The following ARHGEF2 variants were observed in gnomAD, a reference collection of about 807,000 sequenced individuals.
ARHGEF2 encodes Rho/Rac guanine nucleotide exchange factor 2.
Under a neutral mutation model 121.0 loss-of-function variants are expected in ARHGEF2, and 22 were observed. That is an observed-to-expected ratio of 0.18 (90% CI 0.13 to 0.26). ARHGEF2 has a LOEUF of 0.26. Ranked by LOEUF, ARHGEF2 falls within the 10% of genes least tolerant of loss-of-function variation. The pLI is 1.00. For synonymous variants in ARHGEF2, 487 were observed against 530.0 expected, an observed-to-expected ratio of 0.92 and a Z score of 1.11; for missense variants, 907 against 1,336.0, an observed-to-expected ratio of 0.68 and a Z score of 5.01.
rs762190752 is a variant in ARHGEF2, at chr1:155,962,688, T to C, written c.1006A>G (p.Lys336Glu). Residue 336 changes from lysine (K) to glutamate (E), a missense_variant, in exon 9 of 22, where the codon AAG becomes GAG. By Grantham distance (56) the Lys-to-Glu change is moderately conservative. Transcript: ENST00000361247. This position sits in a 1 kb window ranked among gnomAD's most constrained non-coding sequence, Gnocchi z 5.8. ...FSGPSAEQMC[K>E]TYSEFCSRHS... The stretch of plus-strand genomic sequence containing the variant: ...CGGCTGCAGAACTCCGAGTAGGTCT[T>C]ACACATCTGCTCCGCACTAGGACCT... The C allele has an allele frequency of 6.2e-7, 1 of 1,614,140 alleles. No homozygotes were observed. The highest frequency in any genetic ancestry group is 2.2e-5 in the East Asian group (1 of 44,872).
intron 1 of ARHGEF2, chr1:155,970,336 A>G (rs1680222805): frequency 7.1e-6 from 7 of 985,368 alleles, no homozygotes; most frequent in Non-Finnish European, 8.4e-6. Context: ...CTGACCTCCA[A>G]TCTGTCCCTC....
intron 2 of ARHGEF2, among the ~76,000 whole-genome samples, chr1:155,967,475 A>G (rs760520701): frequency 2.0e-4 from 30 of 151,872 alleles, no homozygotes; most frequent in Non-Finnish European, 2.9e-5. Flanking sequence ...TGGTGTTTAC[A>G]CTCCGGTGGG....
At position 155,957,607 on chromosome 1, in the gene ARHGEF2, C is replaced by G; in HGVS notation, c.1715+106G>C. 2.3e-6 allele frequency: 3 copies of G among 1,320,088 alleles called. 1 individual carries two copies. The South Asian group carries it at 4.4e-5, about 19-fold the overall frequency. The allele number at this position is 1,320,088 out of a possible 1,614,324, so 81.8% of individuals were successfully genotyped here. ...TTGTCTCTCCCTCAACCTCTTCCCC[C>G]ACCTCTGAATGCTGGATTCTGTTCC... is the stretch of plus-strand genomic sequence containing the variant. On this transcript the variant is annotated intron_variant, in intron 13 of 21. Coordinates refer to ENST00000361247, the MANE Select transcript of ARHGEF2 (RefSeq NM_001162383.2).
In ARHGEF2 at chr1:155,962,365, C is replaced by T; in HGVS notation, c.1102-143G>A. 1 of 1,041,822 alleles carries T rather than the reference C, an allele frequency of 9.6e-7. No homozygotes were observed. The highest frequency in any genetic ancestry group is 1.4e-6 in the Non-Finnish European group (1 of 714,358). 64.5% of individuals were successfully genotyped at this position (1,041,822 alleles called of 1,614,324 possible). On this transcript the variant is annotated intron_variant, in intron 9 of 21. Transcript: ENST00000361247. The surrounding 1 kb of genome is among the most constrained non-coding windows in gnomAD (Gnocchi z 5.8). Reference sequence around the variant, plus strand: ...ATCTGGAAAATGGGGATAACAACGCCACAGGTTTGTTGTGAGGACCAACTG... The same window carrying T: ...ATCTGGAAAATGGGGATAACAACGCTACAGGTTTGTTGTGAGGACCAACTG...
chr1:155,977,893 C>T lies in ARHGEF2; in HGVS notation c.63+472G>A, dbSNP rs192132901. On this transcript the variant is annotated intron_variant, in intron 1 of 21. Coordinates refer to ENST00000361247, the MANE Select transcript of ARHGEF2 (RefSeq NM_001162383.2). ...GCCGGGAAACCACCCCCTCCCGTCC[C>T]CTCCGCCGGATGGCGGGGACAAAGG... Among the ~76,000 whole-genome samples, 81 of 152,328 alleles carry T rather than the reference C, an allele frequency of 5.3e-4. 1 individual carries two copies. The highest frequency in any genetic ancestry group is 1.9e-3 in the African/African-American group (78 of 41,586).
chr1:155,955,931 G>C (rs1221337206), intron 13 of ARHGEF2, among the ~76,000 whole-genome samples: 1 of 151,900 alleles, frequency 6.6e-6, no homozygotes, highest in Non-Finnish European at 1.5e-5. Context: ...GGCCAGGCTG[G>C]TCTCGAACTC....
At chr1:155,966,568 G>A (rs550561706) in intron 3 of ARHGEF2, 89 bp from the exon 4 acceptor site, 19 of 1,415,270 alleles carry the variant, frequency 1.3e-5, no homozygotes, top group East Asian at 4.6e-5. Context: ...CTAGGTGGCC[G>A]GCCCCCTTAG....
Position 155,962,913 on chromosome 1 carries a change from G to C in ARHGEF2, c.975+20C>G. 1 of 1,613,734 alleles carries C rather than the reference G, an allele frequency of 6.2e-7. No homozygotes were observed. The highest frequency in any genetic ancestry group is 8.5e-7 in the Non-Finnish European group (1 of 1,179,690). On this transcript the variant is annotated intron_variant, in intron 8 of 21. Coordinates refer to ENST00000361247, the MANE Select transcript of ARHGEF2 (RefSeq NM_001162383.2). The surrounding 1 kb of genome is among the most constrained non-coding windows in gnomAD (Gnocchi z 5.8). ...CACCTCCTTCCATGAATGTCACCCA[G>C]GGGTCCTGCCTTTTCCCACCTGGCT... is the stretch of plus-strand genomic sequence containing the variant.
At position 155,965,897 on chromosome 1, in the gene ARHGEF2, G is replaced by A; in HGVS notation, c.341-137C>T. 2.8e-6 allele frequency: 3 copies of A among 1,085,068 alleles called. No homozygotes were observed. Among genetic ancestry groups the A allele is most frequent in the Non-Finnish European group, 3.8e-6 (3 of 795,312 alleles). 67.2% of individuals were successfully genotyped at this position (1,085,068 alleles called of 1,614,324 possible). A position where few individuals can be genotyped will look rare whatever the true frequency, so the allele number is the denominator to read the frequency against. On this transcript the variant is annotated intron_variant, in intron 4 of 21. Transcript: ENST00000361247. This position sits in a 1 kb window ranked among gnomAD's most constrained non-coding sequence, Gnocchi z 6.0. ...CCCTCTAGTCAAGAAAGATGGTAAT[G>A]AGAATGCCACCTTACATTTGTGCCA...
At chr1:155,952,042 C>G in intron 16 of ARHGEF2, 56 bp from the exon 17 acceptor site, 2 of 1,613,988 alleles carry the variant, frequency 1.2e-6, no homozygotes, top group Non-Finnish European at 1.7e-6. Context: ...CCTGATACCA[C>G]TTGATCCCTG....
intron 7 of ARHGEF2, among the ~76,000 whole-genome samples, chr1:155,964,172 A>ATATACG (rs1678747213): frequency 3.0e-5 from 2 of 67,008 alleles, no homozygotes; most frequent in East Asian, 1.1e-3. Context: ...AAAAAAATAT[A>ATATACG]TATATATATA....
In ARHGEF2 at chr1:155,962,288, T is replaced by TCTGGTG; in HGVS notation, c.1102-72_1102-67dup. ...CAACAGAAAGGCCTGGGGCCTGAGC[T>TCTGGTG]CTGGTGCTGGCCCTGGCGTGGCCAT... On this transcript the variant is annotated intron_variant, in intron 9 of 21. Coordinates refer to ENST00000361247, the MANE Select transcript of ARHGEF2 (RefSeq NM_001162383.2). This position sits in a 1 kb window ranked among gnomAD's most constrained non-coding sequence, Gnocchi z 5.8. The TCTGGTG allele has an allele frequency of 6.6e-7, 1 of 1,508,612 alleles. No individual in the cohort carries two copies. Among genetic ancestry groups the TCTGGTG allele is most frequent in the Non-Finnish European group, 9.2e-7 (1 of 1,091,282 alleles). 93.5% of individuals were successfully genotyped at this position (1,508,612 alleles called of 1,614,324 possible). A position where few individuals can be genotyped will look rare whatever the true frequency, so the allele number is the denominator to read the frequency against.
chr1:155,971,706 G>C (rs58096236), intron 1 of ARHGEF2, among the ~76,000 whole-genome samples: 213 of 150,852 alleles, frequency 1.4e-3, no homozygotes, highest in African/African-American at 5.1e-3. Context: ...TGCCCTCCCA[G>C]CCTTCTATAT....
chr1:155,964,165 A>AT lies in ARHGEF2; in HGVS notation c.724+822_724+823insA, dbSNP rs1390390498. Among the ~76,000 whole-genome samples the AT allele has an allele frequency of 5.7e-4, 53 of 93,026 alleles. 1 individual carries two copies. The highest frequency in any genetic ancestry group is 1.4e-3 in the African/African-American group (24 of 17,682). The allele number at this position is 93,026 out of a possible 152,430, so 61.0% of individuals were successfully genotyped here. Reference sequence around the variant, plus strand: ...GCTTCAAAAAAAAAAAAAAAAAAAAAAAATATATATATATATATATATATA... The same window carrying AT: ...GCTTCAAAAAAAAAAAAAAAAAAAAATAAATATATATATATATATATATATA... On this transcript the variant is annotated intron_variant, in intron 7 of 21. Transcript: ENST00000361247.
Position 155,978,197 on chromosome 1 carries a change from C to G in ARHGEF2, c.63+168G>C. ...GTCTGCCGCTCCCCCCACCCCTACC[C>G]ACTCGCTCGCAGTCCCCACCCACCC... On this transcript the variant is annotated intron_variant, in intron 1 of 21. Transcript: ENST00000361247. The surrounding 1 kb of genome is among the most constrained non-coding windows in gnomAD (Gnocchi z 4.1). 1 of 1,309,376 alleles carries G rather than the reference C, an allele frequency of 7.6e-7. No individual in the cohort carries two copies. The highest frequency in any genetic ancestry group is 3.3e-5 in the East Asian group (1 of 30,118). The allele number at this position is 1,309,376 out of a possible 1,614,324, so 81.1% of individuals were successfully genotyped here.
At chr1:155,964,167 A>AAAATATAT (rs1553244640) in intron 7 of ARHGEF2, among the ~76,000 whole-genome samples, 1 of 91,218 alleles carries the variant, frequency 1.1e-5, no homozygotes, top group African/African-American at 6.1e-5. Flanking sequence ...AAAAAAAAAA[A>AAAATATAT]ATATATATAT....
In ARHGEF2 at chr1:155,951,707, C is replaced by T; in HGVS notation, c.2208+34G>A. The T allele has an allele frequency of 1.9e-6, 3 of 1,614,002 alleles. No individual in the cohort carries two copies. Among genetic ancestry groups the T allele is most frequent in the Non-Finnish European group, 2.5e-6 (3 of 1,179,864 alleles). ...ACTACTCAGACTAAGAACATCCTCC[C>T]TTCAGTCTCCTATACCATCAATTCC... On this transcript the variant is annotated intron_variant, in intron 18 of 21. Coordinates refer to ENST00000361247, the MANE Select transcript of ARHGEF2 (RefSeq NM_001162383.2). This position sits in a 1 kb window ranked among gnomAD's most constrained non-coding sequence, Gnocchi z 5.1.
Position 155,950,858 on chromosome 1 carries a change from C to T in ARHGEF2, c.2674G>A (p.Ala892Thr). ...PRRRSLPAGD[A>T]LYLSFNPPQP... ...GGGGGGTTGAAACTCAAGTACAGGG[C>T]ATCGCCTGCGGGGAGGCTGCGCCGC... Residue 892 changes from alanine (A) to threonine (T), a missense_variant, in exon 20 of 22, where the codon GCC becomes ACC. Coordinates refer to ENST00000361247, the MANE Select transcript of ARHGEF2 (RefSeq NM_001162383.2). This position sits in a 1 kb window ranked among gnomAD's most constrained non-coding sequence, Gnocchi z 5.2. The T allele has an allele frequency of 6.5e-7, 1 of 1,541,836 alleles. No homozygotes were observed.
chr1:155,964,530 C>T (rs1678951286), intron 7 of ARHGEF2, among the ~76,000 whole-genome samples: 1 of 151,858 alleles, frequency 6.6e-6, no homozygotes, highest in African/African-American at 2.4e-5. Flanking sequence ...AGACCAACAG[C>T]ATCAAGAGGT....
Sources: gnomAD v4.1 joint callset for allele counts (sites outside exome capture counted in the v4.1 genomes callset) on GRCh38, gnomAD v4.1.1 for gene constraint, Gnocchi (gnomAD v3.1) non-coding constraint, MANE v1.5 for transcripts, NCBI Gene and HGNC (gene_info 2026-07-23, HGNC 2026-07-21) for gene names.